GPR173: variants seen among roughly 807,000 people sequenced by gnomAD.
GPR173 encodes probable G protein-coupled receptor 173.
GPR173 carries 2 observed loss-of-function variants against 13.9 expected under a neutral mutation model. The observed-to-expected ratio is 0.14, with a 90% CI of 0.06 to 0.45. The LOEUF (loss-of-function observed/expected upper bound fraction) is 0.45. Ranked by LOEUF, GPR173 falls within the 20% of genes least tolerant of loss-of-function variation. The probability of loss-of-function intolerance (pLI) is 0.98; values close to 1 mark genes in which losing one functional copy is unlikely to be tolerated. For synonymous variants in GPR173, 131 were observed against 141.0 expected (o/e 0.93, Z 0.50); for missense variants, 202 against 340.5 (o/e 0.59, Z 3.20).
rs1556806261 is a variant in GPR173, at chrX:53,078,952, C to A, written c.*1209C>A. On this transcript the variant is annotated 3_prime_UTR_variant, in exon 2 of 2. Transcript: ENST00000332582. ...TGGGCCCTGAGCCCCAAGCATCCTT[C>A]TTTCCCAACAACCCTCCTTCCCCAT... 8.1e-6 allele frequency: 1 copy of A among 122,898 alleles called. No individual in the cohort carries two copies. Among genetic ancestry groups the A allele is most frequent in the African/African-American group, 3.3e-5 (1 of 30,681 alleles). The allele number at this position is 122,898 out of a possible 1,213,427, so 10.1% of individuals were successfully genotyped here.
rs1556806195 is a variant in GPR173, at chrX:53,078,261, G to C, written c.*518G>C. On this transcript the variant is annotated 3_prime_UTR_variant, in exon 2 of 2. Coordinates refer to ENST00000332582, the MANE Select transcript of GPR173 (RefSeq NM_018969.6). ...TCCTTTAGCAAGGCCTGGATGTTTA[G>C]GGAGAAAGTGGTCCAAGGCTGCTGA... 2 of 125,957 alleles carry C rather than the reference G, an allele frequency of 1.6e-5. No individual in the cohort carries two copies. Among genetic ancestry groups the C allele is most frequent in the Non-Finnish European group, 3.6e-5 (2 of 55,494 alleles). 10.4% of individuals were successfully genotyped at this position (125,957 alleles called of 1,213,427 possible).
rs1489440072 is a variant in GPR173 at position 53,048,949 on chromosome X, T to A, written c.-633T>A. 9.1e-6 allele frequency: 1 copy of A among 109,675 alleles called. No individual in the cohort carries two copies. The highest frequency in any genetic ancestry group is 1.9e-5 in the Non-Finnish European group (1 of 52,293). 9.0% of individuals were successfully genotyped at this position (109,675 alleles called of 1,213,427 possible). ...GGGCTCTCCCAGGCCATGGCCCGTG[T>A]GCTCCCAGGGAGGAGCCCCGGACCC... On this transcript the variant is annotated 5_prime_UTR_variant, in exon 1 of 2. Transcript: ENST00000332582.
At chrX:53,050,041 C>T (rs1401660400) in intron 1 of GPR173, among the ~76,000 whole-genome samples, 1 of 109,926 alleles carries the variant, frequency 9.1e-6, no homozygotes, top group East Asian at 2.9e-4. Context: ...GACCATCCCC[C>T]ACTCCTTCTT....
chrX:53,068,952 C>CTTTTT (rs144589965), intron 1 of GPR173, among the ~76,000 whole-genome samples: 2 of 64,912 alleles, frequency 3.1e-5, no homozygotes, highest in Non-Finnish European at 5.2e-5. Flanking sequence ...GACCTTGTCT[C>CTTTTT]TTTTTTTTTT....
chrX:53,076,996 C>T lies in GPR173; in HGVS notation c.375C>T (p.Ile125=), dbSNP rs782282781. 9 of 1,208,762 alleles carry T rather than the reference C, an allele frequency of 7.4e-6. No individual in the cohort carries two copies. In the Admixed American group the frequency reaches 1.1e-4, roughly 15 times the overall value. ...FCISVTRYMA[I]AHHRFYAKRM... ...TCAGCGTCACCCGCTACATGGCCAT[C>T]GCCCACCACCGCTTCTACGCCAAGC... Residue 125 remains isoleucine, a synonymous_variant, in exon 2 of 2, where the codon ATC becomes ATT. Transcript: ENST00000332582.
Position 53,079,847 on chromosome X carries a change from C to G in GPR173, c.*2104C>G, listed in dbSNP as rs1201895225. Reference sequence around the variant, plus strand: ...TGCCCGTGGTAGGAAGTCGAGTGGTCAAGAGATGGATCTTGGAAACTACAT... The same window carrying G: ...TGCCCGTGGTAGGAAGTCGAGTGGTGAAGAGATGGATCTTGGAAACTACAT... On this transcript the variant is annotated 3_prime_UTR_variant, in exon 2 of 2. Transcript: ENST00000332582. 8.2e-6 allele frequency: 1 copy of G among 122,426 alleles called. No individual in the cohort carries two copies. The highest frequency in any genetic ancestry group is 1.9e-5 in the Non-Finnish European group (1 of 53,034). The allele number at this position is 122,426 out of a possible 1,213,427, so 10.1% of individuals were successfully genotyped here.
At chrX:53,073,317 G>T (rs931065302) in intron 1 of GPR173, among the ~76,000 whole-genome samples, 2 of 109,691 alleles carry the variant, frequency 1.8e-5, no homozygotes, top group African/African-American at 6.6e-5. Flanking sequence ...TTCCTGGGAG[G>T]GAGGGAGTAG....
chrX:53,073,767 A>G (rs969912845), intron 1 of GPR173, among the ~76,000 whole-genome samples: 1 of 85,437 alleles, frequency 1.2e-5, no homozygotes, highest in Non-Finnish European at 2.2e-5. Context: ...AGTAAATTAT[A>G]TATATAAAAT....
At position 53,079,332 on chromosome X, in the gene GPR173, C is replaced by T. The variant is rs1292138112; in HGVS notation, c.*1589C>T. On this transcript the variant is annotated 3_prime_UTR_variant, in exon 2 of 2. Coordinates refer to ENST00000332582, the MANE Select transcript of GPR173 (RefSeq NM_018969.6). The stretch of plus-strand genomic sequence containing the variant: ...GCAGGAGAGACATTAATGAGCCTGG[C>T]TGCAGAGTGGCCCTGGAAAGGCAGG... 1 of 119,683 alleles carries T rather than the reference C, an allele frequency of 8.4e-6. No individual in the cohort carries two copies. Among genetic ancestry groups the T allele is most frequent in the Non-Finnish European group, 1.9e-5 (1 of 52,382 alleles). The allele number at this position is 119,683 out of a possible 1,213,427, so 9.9% of individuals were successfully genotyped here. A position where few individuals can be genotyped will look rare whatever the true frequency, so the allele number is the denominator to read the frequency against.
chrX:53,058,904 C>CTTT (rs201549482), intron 1 of GPR173, among the ~76,000 whole-genome samples: 153 of 101,468 alleles, frequency 1.5e-3, no homozygotes, highest in African/African-American at 4.8e-3. Flanking sequence ...ACCTGTATTC[C>CTTT]TTTTTTTTTT....
At chrX:53,055,616 TGTG>T (rs1268155501) in intron 1 of GPR173, among the ~76,000 whole-genome samples, 2 of 107,541 alleles carry the variant, frequency 1.9e-5, no homozygotes, top group Non-Finnish European at 3.9e-5. Flanking sequence ...TTGTGGGTGG[TGTG>T]GAGGAGATGA....
intron 1 of GPR173, among the ~76,000 whole-genome samples, chrX:53,075,272 T>C (rs1932414945): frequency 9.3e-6 from 1 of 107,140 alleles, no homozygotes; most frequent in African/African-American, 3.4e-5. Context: ...CTCCCTTAGG[T>C]CTGTGCTCAG....
intron 1 of GPR173, among the ~76,000 whole-genome samples, chrX:53,062,474 A>C (rs781806398): frequency 4.7e-4 from 51 of 107,805 alleles, no homozygotes; most frequent in African/African-American, 1.7e-3. Flanking sequence ...TAGGATAGAC[A>C]TTCCCATTCC....
rs782474486 is a variant in GPR173 at position 53,053,063 on chromosome X, T to C, written c.-98+3579T>C. 2.7e-5 allele frequency among the ~76,000 whole-genome samples: 3 copies of C among 112,640 alleles called. No homozygotes were observed. The East Asian group carries it at 8.3e-4, about 31-fold the overall frequency. On this transcript the variant is annotated intron_variant, in intron 1 of 1. Coordinates refer to ENST00000332582, the MANE Select transcript of GPR173 (RefSeq NM_018969.6). ...GTGTATGAACTTGTAGGAATGTACATGGTGTACATATCTGGCTGTGATAGT... is the reference window on the plus strand; with the variant it reads ...GTGTATGAACTTGTAGGAATGTACACGGTGTACATATCTGGCTGTGATAGT...
intron 1 of GPR173, among the ~76,000 whole-genome samples, chrX:53,055,197 G>A (rs1027502428): frequency 6.3e-5 from 7 of 110,463 alleles, no homozygotes; most frequent in Admixed American, 1.9e-4. Context: ...GAGCACGCAT[G>A]TCTCCTGTGG....
Position 53,076,747 on chromosome X carries a change from C to G in GPR173, c.126C>G (p.Ile42Met). ...IMCVSLAGNA[I>M]LSLLVLKERA... Reference sequence around the variant, plus strand: ...GCGTGAGCCTGGCGGGTAACGCCATCTTGTCCCTGCTGGTGCTCAAGGAGC... The same window carrying G: ...GCGTGAGCCTGGCGGGTAACGCCATGTTGTCCCTGCTGGTGCTCAAGGAGC... The change falls in exon 2 of 2, where the codon ATC becomes ATG. Residue 42 changes from isoleucine (I) to methionine (M), a missense_variant. Ile to Met is a conservative substitution (Grantham distance 10). This residue lies in a region of GPR173 where 98 missense variants were observed against 137.2 expected (regional missense o/e 0.71). Transcript: ENST00000332582. The G allele has an allele frequency of 8.3e-7, 1 of 1,211,250 alleles. No homozygotes were observed. Among genetic ancestry groups the G allele is most frequent in the East Asian group, 3.0e-5 (1 of 33,854 alleles).
At chrX:53,072,976 A>G (rs1932283951) in intron 1 of GPR173, among the ~76,000 whole-genome samples, 3 of 111,196 alleles carry the variant, frequency 2.7e-5, no homozygotes, top group Admixed American at 9.6e-5. Context: ...TAATCCCAAC[A>G]ATTTGGGAGG....
At chrX:53,062,906 C>T (rs1556803947) in intron 1 of GPR173, among the ~76,000 whole-genome samples, 1 of 111,875 alleles carries the variant, frequency 8.9e-6, no homozygotes, top group African/African-American at 3.2e-5. Flanking sequence ...CTGGGCTGGG[C>T]CCCCAAGGTC....
At chrX:53,052,408 CATT>C (rs1470452851) in intron 1 of GPR173, among the ~76,000 whole-genome samples, 1 of 111,161 alleles carries the variant, frequency 9.0e-6, no homozygotes, top group Non-Finnish European at 1.9e-5. Context: ...GTGCATGTCT[CATT>C]ATGTGTTTTG....
Sources: allele counts gnomAD v4.1 joint callset (sites outside exome capture counted in the v4.1 genomes callset), GRCh38; gene constraint gnomAD v4.1.1; regional missense constraint gnomAD v4.1.1; transcripts MANE v1.5; gene names NCBI Gene and HGNC (gene_info 2026-07-23, HGNC 2026-07-21).